RMDN2: variants seen among roughly 807,000 people sequenced by gnomAD.
RMDN2 encodes regulator of microtubule dynamics 2.
RMDN2 carries 61 observed loss-of-function variants against 52.8 expected under a neutral mutation model. That is an observed-to-expected ratio of 1.16 (90% CI 0.94 to 1.43). RMDN2 has a LOEUF of 1.43. RMDN2 is among the 40% of genes most tolerant of loss of function. RMDN2 has a pLI of 0.00. For missense variants in RMDN2, 592 were observed against 475.3 expected, an observed-to-expected ratio of 1.25 and a Z score of -2.28; for synonymous variants, 180 against 153.1, an observed-to-expected ratio of 1.18 and a Z score of -1.30.
chr2:37,991,160 A>G (rs566292703), intron 6 of RMDN2, 60 bp from the exon 7 acceptor site: 2 of 902,494 alleles, frequency 2.2e-6, no homozygotes, highest in Non-Finnish European at 1.7e-6. Context: ...GCTTTGGTGT[A>G]GTTCCAGTCA....
At chr2:37,928,902 C>A (rs1448560956) in intron 1 of RMDN2, 1 of 154,644 alleles carries the variant, frequency 6.5e-6, no homozygotes, top group Non-Finnish European at 1.4e-5. Flanking sequence ...CCCATCTGTT[C>A]TTTTTTCTCC....
In RMDN2 at chr2:37,988,525, A is replaced by T. The variant is rs1401692305; in HGVS notation, c.792-1016A>T. ...TATTGGTTGTCCATATGTGGTATGA[A>T]TTAAGTTATCGTTTGTGTCTAGGAA... On this transcript the variant is annotated intron_variant, in intron 5 of 10. Coordinates refer to ENST00000354545, the MANE Select transcript of RMDN2 (RefSeq NM_001170791.3). Among the ~76,000 whole-genome samples, 5 of 152,202 alleles carry T rather than the reference A, an allele frequency of 3.3e-5. No individual in the cohort carries two copies. The South Asian group carries it at 1.0e-3, about 31-fold the overall frequency.
At chr2:38,031,336 C>T (rs763349906) in intron 10 of RMDN2, among the ~76,000 whole-genome samples, 1 of 143,298 alleles carries the variant, frequency 7.0e-6, no homozygotes, top group Non-Finnish European at 1.5e-5. Context: ...TTCACAGATG[C>T]AATCATAGCT....
chr2:37,996,288 A>T (rs1456052344), intron 7 of RMDN2, among the ~76,000 whole-genome samples: 1 of 152,280 alleles, frequency 6.6e-6, no homozygotes, highest in Non-Finnish European at 1.5e-5. Context: ...ATAATTTTTA[A>T]ATTAGAGGAT....
In RMDN2 at chr2:37,980,364, C is replaced by T. The variant is rs145836667; in HGVS notation, c.731-919C>T. ...TGTCCCCCAGGCTGGAGTGCAATGG[C>T]GCAATCTCAGCACGCTGCAACCTCT... On this transcript the variant is annotated intron_variant, in intron 4 of 10. Transcript: ENST00000354545. Among the ~76,000 whole-genome samples, 164 of 152,198 alleles carry T rather than the reference C, an allele frequency of 1.1e-3. 4 individuals are homozygous for T. The East Asian group carries it at 0.028, about 26-fold the overall frequency.
chr2:37,984,217 A>T (rs892182903), intron 5 of RMDN2, among the ~76,000 whole-genome samples: 1 of 152,234 alleles, frequency 6.6e-6, no homozygotes, highest in Non-Finnish European at 1.5e-5. Context: ...TATGCTTTCT[A>T]TAAGATTCAG....
intron 5 of RMDN2, among the ~76,000 whole-genome samples, chr2:37,985,832 A>G (rs1673933676): frequency 6.6e-6 from 1 of 152,162 alleles, no homozygotes; most frequent in Admixed American, 6.5e-5. Flanking sequence ...ATGACTAAGG[A>G]TAATAGGGAA....
chr2:38,060,252 T>C (rs1472351075), intron 10 of RMDN2, among the ~76,000 whole-genome samples: 1 of 152,066 alleles, frequency 6.6e-6, no homozygotes, highest in Non-Finnish European at 1.5e-5. Flanking sequence ...ACCATTTTGT[T>C]TTTTATTAAC....
chr2:38,017,320 C>A lies in RMDN2; in HGVS notation c.*81C>A. 2.1e-6 allele frequency: 3 copies of A among 1,452,466 alleles called. No homozygotes were observed. The highest frequency in any genetic ancestry group is 2.7e-6 in the Non-Finnish European group (3 of 1,097,046). The allele number at this position is 1,452,466 out of a possible 1,614,324, so 90.0% of individuals were successfully genotyped here. ...TCAAAGTTGTGCTTTTATTATCCTT[C>A]ATTTTTGATGTAAGGGTATTGTGCT... On this transcript the variant is annotated 3_prime_UTR_variant, in exon 11 of 11. Coordinates refer to ENST00000354545, the MANE Select transcript of RMDN2 (RefSeq NM_001170791.3).
At chr2:37,985,254 G>A (rs554717801) in intron 5 of RMDN2, among the ~76,000 whole-genome samples, 3 of 152,222 alleles carry the variant, frequency 2.0e-5, no homozygotes, top group African/African-American at 7.2e-5. Context: ...ATAGACCAGT[G>A]AACATAGCAT....
Position 37,951,685 on chromosome 2 carries a change from A to C in RMDN2, c.452+21956A>C. The C allele has an allele frequency of 1.9e-6, 3 of 1,612,946 alleles. No individual in the cohort carries two copies. In the South Asian group the frequency reaches 3.3e-5, roughly 18 times the overall value. On this transcript the variant is annotated intron_variant, in intron 2 of 10. Transcript: ENST00000354545. The stretch of plus-strand genomic sequence containing the variant: ...AGTGGCCAGAATGTGTTTAATCTAA[A>C]TGAAATCGAAATCTTTTCTAAAACT...
intron 10 of RMDN2, among the ~76,000 whole-genome samples, chr2:38,062,447 A>G (rs1682091349): frequency 6.6e-6 from 1 of 152,170 alleles, no homozygotes; most frequent in Non-Finnish European, 1.5e-5. Flanking sequence ...GGTGGATGTA[A>G]CAGATTTTGT....
chr2:37,981,876 T>A (rs1170381195), intron 5 of RMDN2, among the ~76,000 whole-genome samples: 2 of 152,038 alleles, frequency 1.3e-5, no homozygotes, highest in African/African-American at 4.8e-5. Flanking sequence ...TATGTTTATG[T>A]AAACATTATT....
At chr2:37,939,758 C>G (rs879330668) in intron 2 of RMDN2, among the ~76,000 whole-genome samples, 1 of 152,072 alleles carries the variant, frequency 6.6e-6, no homozygotes, top group Non-Finnish European at 1.5e-5. Flanking sequence ...ATCTTCCATC[C>G]CTTTATTTTG....
chr2:37,980,225 C>G (rs1233724573), intron 4 of RMDN2, among the ~76,000 whole-genome samples: 1 of 152,106 alleles, frequency 6.6e-6, no homozygotes. Context: ...GAAAGATTCT[C>G]AGAACACAGT....
intron 2 of RMDN2, among the ~76,000 whole-genome samples, chr2:37,948,930 C>T (rs72887120): frequency 6.6e-6 from 1 of 152,132 alleles, no homozygotes; most frequent in South Asian, 2.1e-4. Flanking sequence ...GCTCAGTGAG[C>T]AGATGCTTCT....
chr2:37,941,282 G>GA (rs397805007), intron 2 of RMDN2, among the ~76,000 whole-genome samples: 2 of 151,708 alleles, frequency 1.3e-5, no homozygotes, highest in Admixed American at 6.6e-5. Flanking sequence ...ATCCCAGAGG[G>GA]CACCCGCCAG....
chr2:37,984,760 T>C (rs1364674873), intron 5 of RMDN2, among the ~76,000 whole-genome samples: 1 of 152,094 alleles, frequency 6.6e-6, no homozygotes, highest in Non-Finnish European at 1.5e-5. Flanking sequence ...TCAAAACATA[T>C]GTAGTTAGAA....
At chr2:37,980,587 A>G (rs1392864170) in intron 4 of RMDN2, among the ~76,000 whole-genome samples, 1 of 152,180 alleles carries the variant, frequency 6.6e-6, no homozygotes, top group African/African-American at 2.4e-5. Context: ...TACAGGTGTG[A>G]GCCACCAGGT....
Sources: gnomAD v4.1 joint callset for allele counts (sites outside exome capture counted in the v4.1 genomes callset) on GRCh38, gnomAD v4.1.1 for gene constraint, MANE v1.5 for transcripts, NCBI Gene and HGNC (gene_info 2026-07-23, HGNC 2026-07-21) for gene names.